The following FGF12 variants were observed in gnomAD, a reference collection of about 807,000 sequenced individuals.
FGF12 encodes the protein fibroblast growth factor 12B.
In FGF12, 14 loss-of-function variants were observed where a neutral mutation model predicts 23.6. The observed-to-expected ratio is 0.59, with a 90% confidence interval of 0.39 to 0.93. The LOEUF (loss-of-function observed/expected upper bound fraction) is 0.93. FGF12 is among the 40% of genes least tolerant of loss of function. The probability of loss-of-function intolerance (pLI) is 0.00; values close to 1 mark genes in which losing one functional copy is unlikely to be tolerated. For missense variants in FGF12, 175 were observed against 217.8 expected (o/e 0.80, Z 1.24); for synonymous variants, 62 against 77.3 (o/e 0.80, Z 1.04).
Position 192,144,009 on chromosome 3 carries a change from C to T in FGF12, c.546G>A (p.Ter182=). ...GGKVVNQDST[*] is the part of the protein sequence containing the mutation. ...GAGGGAAGAAGGGGAGAGTTCTCAG[C>T]TATGTTGAATCTTGATTCACAACTT... The change falls in exon 6 of 6, where the codon TAG becomes TAA. Residue 182 remains the stop codon, a stop_retained_variant. Transcript: ENST00000445105. The T allele has an allele frequency of 6.3e-7, 1 of 1,577,700 alleles. No homozygotes were observed. Among genetic ancestry groups the T allele is most frequent in the Non-Finnish European group, 8.7e-7 (1 of 1,147,004 alleles).
intron 2 of FGF12, among the ~76,000 whole-genome samples, chr3:192,709,782 A>C (rs1197205950): frequency 2.0e-5 from 3 of 152,178 alleles, no homozygotes; most frequent in Non-Finnish European, 4.4e-5. Context: ...CGACTTAATC[A>C]CTTCCACCCC....
intron 2 of FGF12, among the ~76,000 whole-genome samples, chr3:192,391,019 T>A (rs1720270846): frequency 6.6e-6 from 1 of 152,142 alleles, no homozygotes; most frequent in Non-Finnish European, 1.5e-5. Flanking sequence ...GGAGCTCAGA[T>A]GTTAATCTGT....
At chr3:192,366,401 T>C (rs1235074862) in intron 2 of FGF12, among the ~76,000 whole-genome samples, 1 of 152,172 alleles carries the variant, frequency 6.6e-6, no homozygotes, top group Non-Finnish European at 1.5e-5. Flanking sequence ...ATAACAATAA[T>C]GAAAATTATG....
At chr3:192,249,539 GT>G (rs372724649) in intron 4 of FGF12, among the ~76,000 whole-genome samples, 9 of 150,346 alleles carry the variant, frequency 6.0e-5, no homozygotes, top group South Asian at 2.1e-4. Context: ...GAAGAGAGGA[GT>G]TTTTTTTTTC....
At chr3:192,602,565 C>A (rs529981634) in intron 2 of FGF12, among the ~76,000 whole-genome samples, 1 of 152,102 alleles carries the variant, frequency 6.6e-6, no homozygotes, top group Non-Finnish European at 1.5e-5. Context: ...CAGGCATGTA[C>A]AAGTTGCTGC....
intron 4 of FGF12, among the ~76,000 whole-genome samples, chr3:192,178,198 TCTTA>T (rs1356497275): frequency 3.3e-5 from 5 of 152,146 alleles, no homozygotes; most frequent in Non-Finnish European, 7.4e-5. Flanking sequence ...GTCACTTTTG[TCTTA>T]CTTTATAGCT....
intron 2 of FGF12, among the ~76,000 whole-genome samples, chr3:192,551,763 A>T (rs1711538816): frequency 6.6e-6 from 1 of 152,222 alleles, no homozygotes; most frequent in East Asian, 1.9e-4. Flanking sequence ...GAAAAAAAAA[A>T]TACTCAATAC....
At chr3:192,505,325 T>G (rs1194437293) in intron 2 of FGF12, among the ~76,000 whole-genome samples, 2 of 152,218 alleles carry the variant, frequency 1.3e-5, no homozygotes, top group African/African-American at 4.8e-5. Context: ...GCTTCAGAAG[T>G]TTCTCTCTTC....
chr3:192,691,054 C>T (rs1467355215), intron 2 of FGF12, among the ~76,000 whole-genome samples: 1 of 151,772 alleles, frequency 6.6e-6, no homozygotes, highest in Non-Finnish European at 1.5e-5. Context: ...TTAACAGATC[C>T]GAAGGGGGAA....
At position 192,408,967 on chromosome 3, in the gene FGF12, G is replaced by A. The variant is rs1157254957; in HGVS notation, c.14-48429C>T. On this transcript the variant is annotated intron_variant, in intron 2 of 5. Transcript: ENST00000445105. This position sits in a 1 kb window ranked among gnomAD's most constrained non-coding sequence, Gnocchi z 7.3. ...ATTCCGAGAGGCGCGAAGTGGGAGC[G>A]GTTACCCGGAGTCTGGGTAGGGGCG... 5 of 984,496 alleles carry A rather than the reference G, an allele frequency of 5.1e-6. No individual in the cohort carries two copies. The highest frequency in any genetic ancestry group is 6.0e-6 in the Non-Finnish European group (5 of 829,736). 61.0% of individuals were successfully genotyped at this position (984,496 alleles called of 1,614,324 possible).
intron 2 of FGF12, among the ~76,000 whole-genome samples, chr3:192,710,644 C>G (rs186884160): frequency 2.9e-4 from 44 of 152,262 alleles, no homozygotes; most frequent in African/African-American, 1.0e-3. Context: ...GTAAATTATG[C>G]AAAAATGGTG....
Position 192,507,774 on chromosome 3 carries a change from G to T in FGF12, c.14-147236C>A, listed in dbSNP as rs1033990615. Among the ~76,000 whole-genome samples, 4 of 152,154 alleles carry T rather than the reference G, an allele frequency of 2.6e-5. No homozygotes were observed. In the East Asian group the frequency reaches 7.7e-4, roughly 29 times the overall value. ...TTCTGGCCTCAGCCTTTTAGGAACT[G>T]GAACTACAGGCACATCTACTATCTC... On this transcript the variant is annotated intron_variant, in intron 2 of 5. Transcript: ENST00000445105.
chr3:192,643,346 CTG>C (rs1374503890), intron 2 of FGF12, among the ~76,000 whole-genome samples: 2 of 152,192 alleles, frequency 1.3e-5, no homozygotes, highest in Non-Finnish European at 2.9e-5. Context: ...TCTAGTCCAA[CTG>C]TCTTAATCAG....
chr3:192,325,075 T>A (rs967256082), intron 4 of FGF12, among the ~76,000 whole-genome samples: 1 of 152,196 alleles, frequency 6.6e-6, no homozygotes, highest in African/African-American at 2.4e-5. Flanking sequence ...ACTAATAATC[T>A]GTTGTTTCTG....
Position 192,360,385 on chromosome 3 carries a change from C to A in FGF12, c.124+43G>T. The A allele has an allele frequency of 7.3e-7, 1 of 1,360,974 alleles. No individual in the cohort carries two copies. Among genetic ancestry groups the A allele is most frequent in the Non-Finnish European group, 1.1e-6 (1 of 949,832 alleles). The allele number at this position is 1,360,974 out of a possible 1,614,324, so 84.3% of individuals were successfully genotyped here. A position where few individuals can be genotyped will look rare whatever the true frequency, so the allele number is the denominator to read the frequency against. On this transcript the variant is annotated intron_variant, in intron 3 of 5. Coordinates refer to ENST00000445105, the MANE Select transcript of FGF12 (RefSeq NM_004113.6). This position sits in a 1 kb window ranked among gnomAD's most constrained non-coding sequence, Gnocchi z 4.3. ...TAAGTATAAGATACACTGGGCCCTACATTTGATTTGTAATCAGATTGTAAG... is the reference window on the plus strand; with the variant it reads ...TAAGTATAAGATACACTGGGCCCTAAATTTGATTTGTAATCAGATTGTAAG...
intron 3 of FGF12, among the ~76,000 whole-genome samples, chr3:192,342,274 A>G (rs1286287254): frequency 1.3e-5 from 2 of 152,178 alleles, no homozygotes; most frequent in African/African-American, 4.8e-5. Context: ...TAAGCATGTA[A>G]GAAAAAAATG....
chr3:192,533,682 T>C (rs1229348469), intron 2 of FGF12, among the ~76,000 whole-genome samples: 2 of 152,240 alleles, frequency 1.3e-5, no homozygotes, highest in Non-Finnish European at 2.9e-5. Context: ...TAGCCAAAAC[T>C]GTCCTCTATG....
chr3:192,483,028 A>G (rs1723523315), intron 2 of FGF12, among the ~76,000 whole-genome samples: 1 of 151,918 alleles, frequency 6.6e-6, no homozygotes, highest in South Asian at 2.1e-4. Flanking sequence ...CCTGGCTTCA[A>G]TATATGTTTC....
chr3:192,492,136 C>T (rs548565453), intron 2 of FGF12, among the ~76,000 whole-genome samples: 2 of 152,134 alleles, frequency 1.3e-5, no homozygotes, highest in Non-Finnish European at 2.9e-5. Context: ...ATAAAGGACA[C>T]TTTGTTTGTA....
Sources: gnomAD v4.1 joint callset for allele counts (sites outside exome capture counted in the v4.1 genomes callset) on GRCh38, gnomAD v4.1.1 for gene constraint, Gnocchi (gnomAD v3.1) non-coding constraint, MANE v1.5 for transcripts, NCBI Gene and HGNC (gene_info 2026-07-23, HGNC 2026-07-21) for gene names.